The following GARIN2 variants were observed in gnomAD, a reference collection of about 807,000 sequenced individuals.
GARIN2 encodes Golgi-associated RAB2 interactor protein 2.
At chr14:67,221,834 T>G in the GARIN2 span, 1 of 1,611,242 alleles carries the variant, frequency 6.2e-7, no homozygotes, top group East Asian at 2.2e-5. Flanking sequence ...ACTACATGTT[T>G]TATTGTGATC....
chr14:67,199,686 A>C, the GARIN2 span: 12 of 1,581,112 alleles, frequency 7.6e-6, no homozygotes, highest in Non-Finnish European at 9.6e-6. Context: ...CGCCCTCATC[A>C]GCTGTTTGCA....
the GARIN2 span, chr14:67,223,703 A>C: frequency 3.1e-6 from 3 of 971,206 alleles, no homozygotes; most frequent in African/African-American, 3.5e-5. Context: ...TGTATTTCTT[A>C]TTTCTTTCCA....
At chr14:67,221,721 T>C in the GARIN2 span, 1 of 1,598,870 alleles carries the variant, frequency 6.3e-7, no homozygotes, top group Admixed American at 1.7e-5. Flanking sequence ...AGTAGATCTT[T>C]TCTAAATATT....
the GARIN2 span, chr14:67,204,789 T>C: frequency 6.2e-7 from 1 of 1,613,988 alleles, no homozygotes; most frequent in East Asian, 2.2e-5. Flanking sequence ...GCTCCATGGA[T>C]GTGACGGATG....
At chr14:67,220,637 A>G in the GARIN2 span, among the ~76,000 whole-genome samples, 5 of 152,272 alleles carry the variant, frequency 3.3e-5, 2 homozygotes, top group African/African-American at 1.2e-4. Flanking sequence ...TTTTTTTCTC[A>G]TATCTTGACA....
chr14:67,199,694 G>A, the GARIN2 span: 12,838 of 1,585,170 alleles, frequency 8.1e-3, 82 homozygotes, highest in Non-Finnish European at 9.0e-3. Flanking sequence ...TCAGCTGTTT[G>A]CAGATGCACC....
chr14:67,201,015 G>T, the GARIN2 span, among the ~76,000 whole-genome samples: 1 of 152,180 alleles, frequency 6.6e-6, no homozygotes, highest in African/African-American at 2.4e-5. Context: ...AAACAATTAG[G>T]CTGGGTGCAG....
the GARIN2 span, chr14:67,223,979 AG>A: frequency 1.0e-6 from 1 of 984,836 alleles, no homozygotes; most frequent in Non-Finnish European, 1.2e-6. Context: ...GGCGGAAATC[AG>A]AATAATAACT....
At chr14:67,212,385 C>G in the GARIN2 span, among the ~76,000 whole-genome samples, 3 of 151,470 alleles carry the variant, frequency 2.0e-5, no homozygotes, top group African/African-American at 7.3e-5. Context: ...CCAAGGAGTT[C>G]GAGACCAGCC....
At chr14:67,228,555 C>T in the GARIN2 span, 1 of 152,290 alleles carries the variant, frequency 6.6e-6, no homozygotes, top group African/African-American at 2.4e-5. Flanking sequence ...ATTACGAATT[C>T]AAATCCATGT....
At chr14:67,223,573 A>G in the GARIN2 span, 1 of 277,716 alleles carries the variant, frequency 3.6e-6, no homozygotes, top group Non-Finnish European at 5.5e-6. Flanking sequence ...GCAAAGATAC[A>G]GCAAATGAGC....
the GARIN2 span, among the ~76,000 whole-genome samples, chr14:67,214,773 C>T: frequency 7.9e-4 from 121 of 152,226 alleles, no homozygotes; most frequent in African/African-American, 1.3e-3. Context: ...GCCATTTTCA[C>T]GATATTGATT....
the GARIN2 span, among the ~76,000 whole-genome samples, chr14:67,190,751 G>A: frequency 6.6e-6 from 1 of 152,200 alleles, no homozygotes; most frequent in Non-Finnish European, 1.5e-5. Flanking sequence ...CTGCAAAGGT[G>A]CAACCAGAAC....
At chr14:67,191,836 G>A in the GARIN2 span, among the ~76,000 whole-genome samples, 1 of 152,158 alleles carries the variant, frequency 6.6e-6, no homozygotes, top group African/African-American at 2.4e-5. Context: ...ATTTAATAAG[G>A]AATCTCTCTT....
chr14:67,194,510 AT>A, the GARIN2 span, among the ~76,000 whole-genome samples: 248 of 151,568 alleles, frequency 1.6e-3, 1 homozygote, highest in East Asian at 0.013. Flanking sequence ...AGCCTAAACT[AT>A]TTTTTTTCCC....
chr14:67,224,181 T>C, the GARIN2 span, among the ~76,000 whole-genome samples: 1 of 152,080 alleles, frequency 6.6e-6, no homozygotes, highest in Non-Finnish European at 1.5e-5. Context: ...AAATGCACTG[T>C]TTTTATGACA....
chr14:67,226,167 TTTGTTTATTTAC>T, the GARIN2 span, among the ~76,000 whole-genome samples: 1 of 152,118 alleles, frequency 6.6e-6, no homozygotes, highest in African/African-American at 2.4e-5. Flanking sequence ...ACTTGAGCAT[TTTGTTTATTTAC>T]TTGTTTATTT....
chr14:67,216,588 C>T, the GARIN2 span, among the ~76,000 whole-genome samples: 3 of 151,912 alleles, frequency 2.0e-5, no homozygotes, highest in Non-Finnish European at 2.9e-5. Flanking sequence ...CATAAGTTTT[C>T]GTATATTGTA....
chr14:67,191,986 AG>A, the GARIN2 span, among the ~76,000 whole-genome samples: 1 of 152,206 alleles, frequency 6.6e-6, no homozygotes, highest in African/African-American at 2.4e-5. Context: ...GAAAGGATTG[AG>A]GGGGAGAAAA....
Sources: gnomAD v4.1 joint callset for allele counts (sites outside exome capture counted in the v4.1 genomes callset) on GRCh38, gnomAD v4.1.1 for gene constraint, MANE v1.5 for transcripts, NCBI Gene and HGNC (gene_info 2026-07-23, HGNC 2026-07-21) for gene names.